ERC1: variants seen among roughly 807,000 people sequenced by gnomAD.
ERC1 encodes RAB6 interacting protein 2.
In ERC1, 56 loss-of-function variants were observed where a neutral mutation model predicts 132.0. That is an observed-to-expected ratio of 0.42 (90% CI 0.34 to 0.53). ERC1 has a LOEUF of 0.53. Ranked by LOEUF, ERC1 falls within the 20% of genes least tolerant of loss-of-function variation. The pLI is 0.03. For missense variants in ERC1, 1,202 were observed against 1,349.9 expected, an observed-to-expected ratio of 0.89 and a Z score of 1.72; for synonymous variants, 478 against 476.1, an observed-to-expected ratio of 1.00 and a Z score of -0.05.
At chr12:1,111,993 A>G (rs141461630) in intron 5 of ERC1, among the ~76,000 whole-genome samples, 1 of 152,144 alleles carries the variant, frequency 6.6e-6, no homozygotes, top group Non-Finnish European at 1.5e-5. Context: ...CTCTGTGTTT[A>G]TGTTTTTCAT....
chr12:1,084,600 T>C (rs904758844), intron 3 of ERC1, among the ~76,000 whole-genome samples: 1 of 152,166 alleles, frequency 6.6e-6, no homozygotes, highest in African/African-American at 2.4e-5. Context: ...GGAAATAGAT[T>C]AACAAAAACT....
rs1399489347 is a variant in ERC1, at chr12:1,171,142, G to A, written c.1738-9398G>A. 3.3e-5 allele frequency among the ~76,000 whole-genome samples: 5 copies of A among 152,244 alleles called. No individual in the cohort carries two copies. In the East Asian group the frequency reaches 9.7e-4, roughly 29 times the overall value. ...ACAACTGACAGGGAAACCCAACCAA[G>A]GAAGTGTTACTTGCTACCCGACATC... On this transcript the variant is annotated intron_variant, in intron 8 of 18. Coordinates refer to ENST00000360905, the MANE Select transcript of ERC1 (RefSeq NM_178040.4).
At chr12:1,241,665 G>T (rs2075798597) in intron 13 of ERC1, among the ~76,000 whole-genome samples, 1 of 151,922 alleles carries the variant, frequency 6.6e-6, no homozygotes, top group South Asian at 2.1e-4. Context: ...ACAAAACATA[G>T]ATTTAAAGTA....
At chr12:1,283,223 T>C (rs571922944) in intron 14 of ERC1, among the ~76,000 whole-genome samples, 1 of 152,376 alleles carries the variant, frequency 6.6e-6, no homozygotes, top group South Asian at 2.1e-4. Context: ...ATTATGTTAC[T>C]GAAGGCAGTT....
chr12:1,249,618 G>A (rs2076353372), intron 13 of ERC1, among the ~76,000 whole-genome samples: 1 of 152,178 alleles, frequency 6.6e-6, no homozygotes, highest in African/African-American at 2.4e-5. Flanking sequence ...CTTCATAAAT[G>A]CTTATTGATT....
intron 7 of ERC1, among the ~76,000 whole-genome samples, chr12:1,123,987 G>A (rs1268870620): frequency 6.6e-6 from 1 of 152,162 alleles, no homozygotes; most frequent in Non-Finnish European, 1.5e-5. Flanking sequence ...CTGTCTATAA[G>A]TAAACAAATA....
At position 1,143,175 on chromosome 12, in the gene ERC1, A is replaced by G. The variant is rs913129295; in HGVS notation, c.1737+1388A>G. 2.0e-5 allele frequency among the ~76,000 whole-genome samples: 3 copies of G among 152,156 alleles called. No individual in the cohort carries two copies. The South Asian group carries it at 6.2e-4, about 32-fold the overall frequency. On this transcript the variant is annotated intron_variant, in intron 8 of 18. Coordinates refer to ENST00000360905, the MANE Select transcript of ERC1 (RefSeq NM_178040.4). ...CACCTGGGCCTCCCGAAGTACTGGG[A>G]TTACAGGCGTGAGCCACTGCACCAG...
intron 17 of ERC1, 200 bp from the exon 18 acceptor site, chr12:1,444,362 C>A: frequency 2.2e-6 from 1 of 453,804 alleles, no homozygotes; most frequent in Non-Finnish European, 3.9e-6. Context: ...AGAAGGGCGG[C>A]TGCGTGTGAC....
chr12:1,457,174 C>T (rs1249263507), intron 18 of ERC1, among the ~76,000 whole-genome samples: 4 of 152,168 alleles, frequency 2.6e-5, no homozygotes, highest in East Asian at 1.9e-4. Flanking sequence ...CAGACACCCT[C>T]GGTGTGTAGC....
At chr12:1,010,733 G>T (rs1306683442) in intron 1 of ERC1, among the ~76,000 whole-genome samples, 1 of 151,740 alleles carries the variant, frequency 6.6e-6, no homozygotes, top group Non-Finnish European at 1.5e-5. Flanking sequence ...GGCTGGCCTT[G>T]AACTCCTGAC....
rs151264995 is a variant in ERC1 at position 1,020,120 on chromosome 12, T to C, written c.-156-7628T>C. ...AACATCGCAGAAAACAAGACTGTAT[T>C]ATCTCTTGCTGCTTTACAAATTACT... is the stretch of plus-strand genomic sequence containing the variant. On this transcript the variant is annotated intron_variant, in intron 1 of 18. Coordinates refer to ENST00000360905, the MANE Select transcript of ERC1 (RefSeq NM_178040.4). Among the ~76,000 whole-genome samples the C allele has an allele frequency of 2.3e-4, 35 of 152,246 alleles. No individual in the cohort carries two copies. The East Asian group carries it at 6.4e-3, about 28-fold the overall frequency.
chr12:1,153,501 G>A (rs1022990383), intron 8 of ERC1, among the ~76,000 whole-genome samples: 1 of 152,172 alleles, frequency 6.6e-6, no homozygotes, highest in Non-Finnish European at 1.5e-5. Flanking sequence ...GAGACAAAAG[G>A]GAATACCAGC....
At chr12:1,444,840 G>A (rs2093259576) in intron 18 of ERC1, 90 bp downstream of exon 18, 1 of 1,230,106 alleles carries the variant, frequency 8.1e-7, no homozygotes, top group Non-Finnish European at 1.1e-6. Context: ...GGGGAATCCA[G>A]TTGCCGTGTA....
chr12:1,244,492 T>C, intron 13 of ERC1: 4 of 430,394 alleles, frequency 9.3e-6, no homozygotes, highest in Middle Eastern at 7.3e-4. Flanking sequence ...TGTTTTGTAC[T>C]TAATGGTTTG....
At chr12:1,404,240 G>C (rs953346787) in intron 16 of ERC1, among the ~76,000 whole-genome samples, 3 of 152,162 alleles carry the variant, frequency 2.0e-5, no homozygotes, top group East Asian at 3.8e-4. Context: ...CTGCAGAAGG[G>C]CAAACGGGCT....
At chr12:1,025,260 A>G (rs1966845071) in intron 1 of ERC1, among the ~76,000 whole-genome samples, 1 of 152,208 alleles carries the variant, frequency 6.6e-6, no homozygotes. Context: ...AGTTGAGCTA[A>G]AGCCTCCACA....
At chr12:1,253,849 A>G (rs2076620636) in intron 13 of ERC1, among the ~76,000 whole-genome samples, 3 of 152,154 alleles carry the variant, frequency 2.0e-5, no homozygotes, top group African/African-American at 4.8e-5. Context: ...GTGAAGCTAT[A>G]GTTAGGCTGT....
At chr12:1,267,381 GC>G (rs1338283598) in intron 14 of ERC1, among the ~76,000 whole-genome samples, 1 of 152,214 alleles carries the variant, frequency 6.6e-6, no homozygotes, top group Non-Finnish European at 1.5e-5. Flanking sequence ...ATTGCCAGGG[GC>G]TAAGGAGCAG....
intron 17 of ERC1, chr12:1,443,382 G>A (rs1402406351): frequency 6.6e-6 from 1 of 152,146 alleles, no homozygotes; most frequent in Non-Finnish European, 1.5e-5. Flanking sequence ...GTCCTCTGAG[G>A]GGGTCCAAGG....
Sources: allele counts gnomAD v4.1 joint callset (sites outside exome capture counted in the v4.1 genomes callset), GRCh38; gene constraint gnomAD v4.1.1; transcripts MANE v1.5; gene names NCBI Gene and HGNC (gene_info 2026-07-23, HGNC 2026-07-21).